TPH1: variants seen among roughly 807,000 people sequenced by gnomAD.
TPH1 encodes the protein tryptophan 5-hydroxylase 1.
Under a neutral mutation model 49.5 loss-of-function variants are expected in TPH1, and 37 were observed. That is an observed-to-expected ratio of 0.75 (90% confidence interval 0.58 to 0.98). The LOEUF is 0.98. Among genes scored for constraint, TPH1 ranks in the 50% least tolerant of loss-of-function variants. The pLI is 0.00. For missense variants in TPH1, 487 were observed against 523.6 expected (o/e 0.93, Z 0.68); for synonymous variants, 160 against 182.1 (o/e 0.88, Z 0.98).
At chr11:18,032,828 G>A (rs887236356) in intron 4 of TPH1, among the ~76,000 whole-genome samples, 13 of 152,116 alleles carry the variant, frequency 8.5e-5, no homozygotes, top group Non-Finnish European at 1.3e-4. Flanking sequence ...TTACAGGCGC[G>A]AGCCACTGCA....
chr11:18,026,345 A>G (rs1847928287), intron 7 of TPH1, 145 bp downstream of exon 7: 7 of 778,726 alleles, frequency 9.0e-6, no homozygotes, highest in South Asian at 1.7e-5. Flanking sequence ...CATGCCAGGT[A>G]CCATTCTAAA....
chr11:18,036,180 C>T (rs773693413), intron 2 of TPH1, 38 bp from the exon 3 acceptor site: 2 of 1,517,844 alleles, frequency 1.3e-6, no homozygotes, highest in Non-Finnish European at 1.8e-6. Context: ...ATGTAACTGC[C>T]TCAAATGTTA....
At chr11:18,022,690 C>G (rs572390203) in intron 10 of TPH1, 108 bp downstream of exon 10, 2 of 1,198,978 alleles carry the variant, frequency 1.7e-6, no homozygotes, top group African/African-American at 3.0e-5. Context: ...AGACAGAAGG[C>G]TCCTTGTGGG....
intron 3 of TPH1, among the ~76,000 whole-genome samples, chr11:18,035,396 CTTTCTTT>C (rs979629189): frequency 6.1e-5 from 4 of 65,250 alleles, no homozygotes; most frequent in African/African-American, 2.5e-4. Flanking sequence ...CTTTCTTTTT[CTTTCTTT>C]TTTCTTTCTT....
Position 18,025,654 on chromosome 11 carries a change from G to C in TPH1, c.851C>G (p.Pro284Arg), listed in dbSNP as rs373623603. 4.3e-6 allele frequency: 7 copies of C among 1,613,908 alleles called. No homozygotes were observed. Among genetic ancestry groups the C allele is most frequent in the Non-Finnish European group, 5.9e-6 (7 of 1,179,916 alleles). ...LLGHVPLLAE[P>R]SFAQFSQEIG... ...TTCTTGGGAGAATTGGGCAAAACTA[G>C]GTTCAGCCAAAAGCGGGACATGACC... The change falls in exon 8 of 11, where the codon CCT (proline) becomes CGT (arginine). Residue 284 changes from proline (P) to arginine (R), a missense_variant. Pro to Arg is a moderately radical substitution (Grantham distance 103, BLOSUM62 -2). Coordinates refer to ENST00000682019, the MANE Select transcript of TPH1 (RefSeq NM_004179.3).
chr11:18,023,872 G>T lies in TPH1; in HGVS notation c.1026+16C>A. On this transcript the variant is annotated intron_variant, in intron 9 of 10. Coordinates refer to ENST00000682019, the MANE Select transcript of TPH1 (RefSeq NM_004179.3). ...TTAGGTGAATATGGTTATATACAAAGATTTGCAACTCTTACTTTGAGTTCA... is the reference window on the plus strand; with the variant it reads ...TTAGGTGAATATGGTTATATACAAATATTTGCAACTCTTACTTTGAGTTCA... The T allele has an allele frequency of 6.3e-7, 1 of 1,595,312 alleles. No homozygotes were observed. The highest frequency in any genetic ancestry group is 8.6e-7 in the Non-Finnish European group (1 of 1,163,696).
rs528504462 is a variant in TPH1 at position 18,034,506 on chromosome 11, G to C, written c.302-1132C>G. On this transcript the variant is annotated intron_variant, in intron 3 of 10. Transcript: ENST00000682019. ...GTTAATGATGGGTATGGGACTTCTT[G>C]GGGGGACAGTATCTGGAGCAACAGA... Among the ~76,000 whole-genome samples the C allele has an allele frequency of 5.9e-5, 9 of 152,318 alleles. No homozygotes were observed. The East Asian group carries it at 1.7e-3, about 29-fold the overall frequency.
intron 3 of TPH1, among the ~76,000 whole-genome samples, chr11:18,035,025 G>A (rs10832875): frequency 0.18 from 28,061 of 152,180 alleles, 3,227 homozygotes; most frequent in Non-Finnish European, 0.25. Context: ...CCTCGCACTC[G>A]CAGTTCACAA....
intron 1 of TPH1, chr11:18,041,114 C>T (rs1273155880): frequency 4.7e-6 from 1 of 213,784 alleles, no homozygotes; most frequent in Non-Finnish European, 9.3e-6. Context: ...GAAGGCCTAC[C>T]TCCTCCCCAC....
chr11:18,041,750 C>T (rs1429809536), intron 1 of TPH1, among the ~76,000 whole-genome samples: 4 of 152,154 alleles, frequency 2.6e-5, no homozygotes, highest in African/African-American at 7.2e-5. Flanking sequence ...GAACTAAAAA[C>T]AATTTCTATT....
At chr11:18,034,657 G>T (rs182362370) in intron 3 of TPH1, among the ~76,000 whole-genome samples, 1 of 152,160 alleles carries the variant, frequency 6.6e-6, no homozygotes, top group African/African-American at 2.4e-5. Flanking sequence ...ATGAATAGCA[G>T]TCCTGATTAC....
chr11:18,038,908 G>A (rs1018570600), intron 2 of TPH1, among the ~76,000 whole-genome samples: 2 of 152,164 alleles, frequency 1.3e-5, no homozygotes, highest in Non-Finnish European at 2.9e-5. Context: ...AGGACTGGGA[G>A]AGGGAAGGGA....
At chr11:18,038,023 C>T (rs1163166696) in intron 2 of TPH1, among the ~76,000 whole-genome samples, 3 of 152,152 alleles carry the variant, frequency 2.0e-5, no homozygotes, top group Non-Finnish European at 2.9e-5. Context: ...ATAATAAAGA[C>T]ACTAAAGATT....
intron 3 of TPH1, among the ~76,000 whole-genome samples, chr11:18,035,495 G>A (rs948066776): frequency 9.9e-5 from 14 of 141,558 alleles, no homozygotes; most frequent in Admixed American, 6.2e-4. Context: ...GTACAATCTC[G>A]GCTCAGCTCT....
At chr11:18,028,378 G>A (rs747097843) in intron 6 of TPH1, among the ~76,000 whole-genome samples, 12 of 152,032 alleles carry the variant, frequency 7.9e-5, no homozygotes, top group Non-Finnish European at 1.5e-4. Flanking sequence ...ACACCCCCAC[G>A]GATGAGGAAC....
chr11:18,043,881 A>C lies in TPH1; in HGVS notation c.-27+2360T>G, dbSNP rs570128. Reference sequence around the variant, plus strand: ...ACCCTGTCTCTTAAAAAAAAAAAAAAGAGAATTTCCTTCAATTTTCAAAAC... The same window carrying C: ...ACCCTGTCTCTTAAAAAAAAAAAAACGAGAATTTCCTTCAATTTTCAAAAC... On this transcript the variant is annotated intron_variant, in intron 1 of 10. Transcript: ENST00000682019. Among the ~76,000 whole-genome samples, 2 of 151,074 alleles carry C rather than the reference A, an allele frequency of 1.3e-5. 1 individual carries two copies. Among genetic ancestry groups the C allele is most frequent in the South Asian group, 4.2e-4 (2 of 4,768 alleles).
At chr11:18,036,167 T>C in intron 2 of TPH1, 25 bp from the exon 3 acceptor site, 1 of 1,571,620 alleles carries the variant, frequency 6.4e-7, no homozygotes, top group South Asian at 1.1e-5. Context: ...GGGAAAAGAT[T>C]TCATGTAACT....
At chr11:18,042,380 C>G (rs1036300617) in intron 1 of TPH1, 8 of 454,396 alleles carry the variant, frequency 1.8e-5, no homozygotes, top group Non-Finnish European at 2.7e-5. Context: ...AATTACCACT[C>G]AAAGATTGAC....
At chr11:18,037,357 CAAAA>C (rs149722166) in intron 2 of TPH1, among the ~76,000 whole-genome samples, 3 of 132,432 alleles carry the variant, frequency 2.3e-5, no homozygotes, top group South Asian at 2.5e-4. Context: ...GACCCTTTCT[CAAAA>C]AAAAAAAAAA....
Sources: allele counts gnomAD v4.1 joint callset (sites outside exome capture counted in the v4.1 genomes callset), GRCh38; gene constraint gnomAD v4.1.1; transcripts MANE v1.5; gene names NCBI Gene and HGNC (gene_info 2026-07-23, HGNC 2026-07-21).